The following ZFP64 variants were observed in gnomAD, a reference collection of about 807,000 sequenced individuals.
ZFP64 encodes zinc finger protein 64.
A neutral mutation model predicts 51.6 loss-of-function variants in ZFP64; 14 were observed. That is an observed-to-expected ratio of 0.27 (90% CI 0.18 to 0.42). ZFP64 has a LOEUF of 0.42. ZFP64 is among the 10% of genes least tolerant of loss of function. The pLI is 1.00. For missense variants in ZFP64, 754 were observed against 906.8 expected (o/e 0.83, Z 2.16); for synonymous variants, 375 against 361.4 (o/e 1.04, Z -0.43).
chr20:52,168,800 G>A (rs1428390217), intron 2 of ZFP64, among the ~76,000 whole-genome samples: 1 of 152,116 alleles, frequency 6.6e-6, no homozygotes, highest in African/African-American at 2.4e-5. Context: ...TCTTCAACTT[G>A]CTTCATCATG....
chr20:52,089,740 CAAA>C (rs35524410), intron 7 of ZFP64, among the ~76,000 whole-genome samples: 64,242 of 131,188 alleles, frequency 0.49, 14,556 homozygotes, highest in African/African-American at 0.52. Context: ...GACACTGTCT[CAAA>C]AAAAAAAAAA....
In ZFP64 at chr20:52,104,847, T is replaced by C. The variant is rs559503488; in HGVS notation, c.764-6260A>G. The C allele has an allele frequency of 2.1e-4, 133 of 648,444 alleles. 2 individuals carry two copies. Among genetic ancestry groups the C allele is most frequent in the South Asian group, 1.3e-3 (88 of 66,442 alleles). 40.2% of individuals were successfully genotyped at this position (648,444 alleles called of 1,614,324 possible). Reference sequence around the variant, plus strand: ...CATCCCGAAAACAGCCTCTGAGGGGTCCTCTGAGCATCCTTCCAGCGTGTT... The same window carrying C: ...CATCCCGAAAACAGCCTCTGAGGGGCCCTCTGAGCATCCTTCCAGCGTGTT... On this transcript the variant is annotated intron_variant, in intron 5 of 8. Coordinates refer to the ZFP64 transcript ENST00000361387.
chr20:52,101,820 T>TA (rs1421020222), intron 5 of ZFP64, among the ~76,000 whole-genome samples: 2 of 150,934 alleles, frequency 1.3e-5, no homozygotes, highest in Admixed American at 6.7e-5. Flanking sequence ...GAGAGCTTGT[T>TA]AAAAATGCAG....
chr20:52,186,522 T>C (rs1030924117), intron 2 of ZFP64, among the ~76,000 whole-genome samples: 2 of 152,184 alleles, frequency 1.3e-5, no homozygotes, highest in South Asian at 4.1e-4. Flanking sequence ...CACTTTTTTT[T>C]TTATTGCAAC....
chr20:52,110,947 G>C (rs1040137475), intron 5 of ZFP64: 3 of 1,551,372 alleles, frequency 1.9e-6, no homozygotes, highest in African/African-American at 2.7e-5. Flanking sequence ...GCGGTACTGG[G>C]TGTTGAACTT....
chr20:52,147,114 A>G (rs562725836), downstream of ZFP64, among the ~76,000 whole-genome samples: 1 of 152,374 alleles, frequency 6.6e-6, no homozygotes, highest in South Asian at 2.1e-4. Flanking sequence ...CTATGAAAAT[A>G]TTAAGTCTTC....
In ZFP64 at chr20:52,102,072, A is replaced by C. The variant is rs542340549; in HGVS notation, c.764-3485T>G. ...GGTTGCAGTGAGCCCAGATCGTGCC[A>C]CTGCACTCCAGCCTGGTGAGAGTAA... On this transcript the variant is annotated intron_variant, in intron 5 of 8. Coordinates refer to the ZFP64 transcript ENST00000361387. 2.2e-3 allele frequency among the ~76,000 whole-genome samples: 314 copies of C among 143,940 alleles called. 1 individual carries two copies. The highest frequency in any genetic ancestry group is 7.6e-3 in the Middle Eastern group (2 of 262). The allele number at this position is 143,940 out of a possible 152,430, so 94.4% of individuals were successfully genotyped here.
At chr20:52,090,179 C>G (rs2078908025) in intron 7 of ZFP64, among the ~76,000 whole-genome samples, 2 of 152,090 alleles carry the variant, frequency 1.3e-5, no homozygotes, top group African/African-American at 4.8e-5. Context: ...ATTTCAGAAC[C>G]CTAAGAAGGG....
At position 52,164,622 on chromosome 20, in the gene ZFP64, G is replaced by C; in HGVS notation, c.511+73C>G. 4 of 1,284,140 alleles carry C rather than the reference G, an allele frequency of 3.1e-6. No homozygotes were observed. The South Asian group carries it at 4.8e-5, about 15-fold the overall frequency. 79.5% of individuals were successfully genotyped at this position (1,284,140 alleles called of 1,614,324 possible). On this transcript the variant is annotated intron_variant, in intron 4 of 5. Transcript: ENST00000216923. Reference sequence around the variant, plus strand: ...ACGTTTGGAGTGGTATCATTCGTCTGACCTATGTGGATCCCCATCTCCTAG... The same window carrying C: ...ACGTTTGGAGTGGTATCATTCGTCTCACCTATGTGGATCCCCATCTCCTAG...
At chr20:52,173,640 C>A (rs1031945293) in intron 2 of ZFP64, among the ~76,000 whole-genome samples, 2 of 151,758 alleles carry the variant, frequency 1.3e-5, no homozygotes, top group South Asian at 4.2e-4. Context: ...CAATATACAT[C>A]CTTGCTTTTT....
intron 2 of ZFP64, among the ~76,000 whole-genome samples, chr20:52,173,584 T>C (rs920834982): frequency 1.3e-5 from 2 of 151,798 alleles, no homozygotes; most frequent in African/African-American, 4.8e-5. Flanking sequence ...CAAGACCGTC[T>C]CTAGAAAAAC....
chr20:52,117,708 A>C, intron 5 of ZFP64: 1 of 456,486 alleles, frequency 2.2e-6, no homozygotes, highest in Non-Finnish European at 4.4e-6. Flanking sequence ...ATGGGTGTGG[A>C]CCAGCTGGGC....
intron 5 of ZFP64, among the ~76,000 whole-genome samples, chr20:52,121,307 T>C (rs1979179917): frequency 6.6e-6 from 1 of 152,196 alleles, no homozygotes; most frequent in Non-Finnish European, 1.5e-5. Context: ...GCTGGGCCTT[T>C]TGAGTCCAAC....
chr20:52,146,278 A>G (rs532459472), downstream of ZFP64, among the ~76,000 whole-genome samples: 1 of 152,310 alleles, frequency 6.6e-6, no homozygotes, highest in African/African-American at 2.4e-5. Flanking sequence ...ACACATGCAC[A>G]CATATGTTTA....
chr20:52,124,928 T>C (rs6096776), intron 5 of ZFP64, among the ~76,000 whole-genome samples: 69,990 of 151,938 alleles, frequency 0.46, 16,769 homozygotes, highest in Admixed American at 0.52. Flanking sequence ...TAACAAAGTC[T>C]CACCACTATG....
intron 2 of ZFP64, among the ~76,000 whole-genome samples, chr20:52,182,247 A>G (rs1013215495): frequency 6.6e-6 from 1 of 152,168 alleles, no homozygotes; most frequent in Non-Finnish European, 1.5e-5. Flanking sequence ...CCAGCAGTCT[A>G]TCTCTGAGCT....
At chr20:52,103,627 T>G (rs2079076936) in intron 5 of ZFP64, among the ~76,000 whole-genome samples, 1 of 152,174 alleles carries the variant, frequency 6.6e-6, no homozygotes, top group South Asian at 2.1e-4. Context: ...AACTCCAGCC[T>G]GGGGTTACTC....
intron 5 of ZFP64, among the ~76,000 whole-genome samples, chr20:52,141,144 C>T (rs983196924): frequency 6.6e-6 from 1 of 152,126 alleles, no homozygotes; most frequent in Non-Finnish European, 1.5e-5. Context: ...ATCTGGTCAC[C>T]CAAGAGCTCT....
chr20:52,108,643 G>A (rs113441889), intron 5 of ZFP64, among the ~76,000 whole-genome samples: 1,694 of 151,826 alleles, frequency 0.011, 26 homozygotes, highest in African/African-American at 0.038. Flanking sequence ...TGAGTAGCTG[G>A]GATTACAGAC....
Sources: gnomAD v4.1 joint callset for allele counts (sites outside exome capture counted in the v4.1 genomes callset) on GRCh38, gnomAD v4.1.1 for gene constraint, MANE v1.5 for transcripts, NCBI Gene and HGNC (gene_info 2026-07-23, HGNC 2026-07-21) for gene names.